The following PDCD6 variants were observed in gnomAD, a reference collection of about 807,000 sequenced individuals.
PDCD6 encodes programmed cell death protein 6.
PDCD6 carries 12 observed loss-of-function variants against 28.3 expected under a neutral mutation model. That is an observed-to-expected ratio of 0.42 (90% CI 0.27 to 0.69). The LOEUF (loss-of-function observed/expected upper bound fraction) is 0.69, where lower values mean the gene tolerates loss of function less well. PDCD6 is among the 30% of genes least tolerant of loss of function. The probability of loss-of-function intolerance (pLI) is 0.22; values close to 1 mark genes in which losing one functional copy is unlikely to be tolerated. For synonymous variants in PDCD6, 92 were observed against 108.0 expected, an observed-to-expected ratio of 0.85 and a Z score of 0.92; for missense variants, 226 against 269.9, an observed-to-expected ratio of 0.84 and a Z score of 1.14.
intron 2 of PDCD6, among the ~76,000 whole-genome samples, chr5:274,822 T>C (rs140507635): frequency 3.5e-4 from 54 of 152,192 alleles, no homozygotes; most frequent in East Asian, 9.7e-4. Flanking sequence ...GTCCTCAAAG[T>C]GTATATAGCT....
At chr5:285,330 G>A (rs183556022) in intron 2 of PDCD6, among the ~76,000 whole-genome samples, 1 of 152,030 alleles carries the variant, frequency 6.6e-6, no homozygotes, top group East Asian at 2.0e-4. Context: ...TGGATACCCG[G>A]CTGGGAGCTG....
chr5:298,751 A>C (rs866515352), intron 2 of PDCD6, among the ~76,000 whole-genome samples: 55 of 700 alleles, frequency 0.079, no homozygotes, highest in South Asian at 0.14. Flanking sequence ...CCAGCTGCTC[A>C]CCCCCAACTG....
chr5:296,874 C>T (rs1014495199), intron 2 of PDCD6, among the ~76,000 whole-genome samples: 1 of 151,922 alleles, frequency 6.6e-6, no homozygotes, highest in Non-Finnish European at 1.5e-5. Flanking sequence ...CAAGGGTCAC[C>T]GGGATTCGTC....
At chr5:311,213 C>T in intron 4 of PDCD6, 80 bp from the exon 5 acceptor site, 8 of 1,035,204 alleles carry the variant, frequency 7.7e-6, no homozygotes, top group South Asian at 1.3e-5. Flanking sequence ...AGGCTGTGGG[C>T]CTTGGGCAGG....
At chr5:284,315 T>C (rs2126704819) in intron 2 of PDCD6, among the ~76,000 whole-genome samples, 1 of 152,292 alleles carries the variant, frequency 6.6e-6, no homozygotes. Flanking sequence ...GAGGAGCTGA[T>C]GTTCTAGCTT....
intron 2 of PDCD6, chr5:276,759 T>C: frequency 4.1e-6 from 4 of 985,170 alleles, no homozygotes; most frequent in Non-Finnish European, 3.6e-6. Flanking sequence ...TTCTGAGTGC[T>C]TGTATTCTAG....
intron 4 of PDCD6, chr5:310,107 G>C (rs1740811338): frequency 4.8e-6 from 1 of 207,254 alleles, no homozygotes; most frequent in Non-Finnish European, 9.8e-6. Flanking sequence ...GTTCTCAGCA[G>C]GCTGGGCTCA....
At chr5:278,247 AT>A (rs1208088392) in intron 2 of PDCD6, among the ~76,000 whole-genome samples, 1 of 152,190 alleles carries the variant, frequency 6.6e-6, no homozygotes, top group Non-Finnish European at 1.5e-5. Flanking sequence ...TATTAAAAAT[AT>A]TTATTTAGAA....
chr5:288,925 T>G (rs1234820295), intron 2 of PDCD6: 3 of 1,575,584 alleles, frequency 1.9e-6, no homozygotes, highest in Non-Finnish European at 2.6e-6. Flanking sequence ...TTACTGGAAT[T>G]AGATCCTACT....
rs936988630 is a variant in PDCD6, at chr5:307,830, CTTTCTTTCTCT to C, written c.367+1081_367+1091del. On this transcript the variant is annotated intron_variant, in intron 4 of 5. Transcript: ENST00000264933. This position sits in a 1 kb window ranked among gnomAD's most constrained non-coding sequence, Gnocchi z 6.1. The stretch of plus-strand genomic sequence containing the variant: ...CTCCCAGCATGCACTTTGTGGCTGC[CTTTCTTTCTCT>C]TTTCTTTCTCACCTTACGAGCTTGT... 3.3e-5 allele frequency among the ~76,000 whole-genome samples: 5 copies of C among 152,128 alleles called. No individual in the cohort carries two copies. Among genetic ancestry groups the C allele is most frequent in the African/African-American group, 1.2e-4 (5 of 41,402 alleles).
chr5:298,426 C>T (rs1739756721), intron 2 of PDCD6, among the ~76,000 whole-genome samples: 2 of 152,054 alleles, frequency 1.3e-5, no homozygotes, highest in African/African-American at 4.8e-5. Flanking sequence ...GTTCTTCTTC[C>T]TGCAGAGCAA....
At chr5:306,458 C>T in intron 3 of PDCD6, 144 bp from the exon 4 acceptor site, 1 of 700,778 alleles carries the variant, frequency 1.4e-6, no homozygotes, top group Non-Finnish European at 2.5e-6. Context: ...ACCCCATTCA[C>T]AGACAGGCAT....
chr5:302,068 C>CTGTGTGTGTGTGTGTGTGTG (rs1491538086), intron 2 of PDCD6, among the ~76,000 whole-genome samples: 1 of 63,374 alleles, frequency 1.6e-5, no homozygotes, highest in Non-Finnish European at 3.9e-5. Context: ...TTGAGTGCTG[C>CTGTGTGTGTGTGTGTGTGTG]TCTGTGTGTG....
intron 4 of PDCD6, chr5:310,872 T>A (rs1386269011): frequency 5.7e-6 from 1 of 175,574 alleles, no homozygotes; most frequent in African/African-American, 2.4e-5. Flanking sequence ...CAGCGAATCA[T>A]TCAGAATTTT....
intron 2 of PDCD6, among the ~76,000 whole-genome samples, chr5:277,180 C>CA (rs1179937319): frequency 6.6e-6 from 1 of 152,142 alleles, no homozygotes; most frequent in Non-Finnish European, 1.5e-5. Flanking sequence ...GGCTGGAGTG[C>CA]AGTGGCACGC....
At chr5:279,369 G>T (rs1738420878) in intron 2 of PDCD6, among the ~76,000 whole-genome samples, 1 of 152,106 alleles carries the variant, frequency 6.6e-6, no homozygotes, top group African/African-American at 2.4e-5. Context: ...TGCCCTCTTA[G>T]GCTCTTGATT....
chr5:279,016 A>G (rs1242347430), intron 2 of PDCD6, among the ~76,000 whole-genome samples: 1 of 152,134 alleles, frequency 6.6e-6, no homozygotes. Flanking sequence ...TCTTCCCAAC[A>G]GAGAGGCCCG....
At chr5:275,964 A>T (rs1318884576) in intron 2 of PDCD6, 2 of 1,278,600 alleles carry the variant, frequency 1.6e-6, no homozygotes, top group South Asian at 2.5e-5. Flanking sequence ...CTTGTCCTCC[A>T]CCCCTTTGCT....
intron 2 of PDCD6, among the ~76,000 whole-genome samples, chr5:286,156 TC>T (rs1229202592): frequency 6.9e-6 from 1 of 144,732 alleles, no homozygotes; most frequent in Non-Finnish European, 1.5e-5. Context: ...GAGTTGATGT[TC>T]CGTTTGAGGG....
Sources: allele counts gnomAD v4.1 joint callset (sites outside exome capture counted in the v4.1 genomes callset), GRCh38; gene constraint gnomAD v4.1.1; non-coding constraint Gnocchi (gnomAD v3.1); transcripts MANE v1.5; gene names NCBI Gene and HGNC (gene_info 2026-07-23, HGNC 2026-07-21).